The following APBB2 variants were observed in gnomAD, a reference collection of about 807,000 sequenced individuals.
APBB2 encodes the protein Fe65-like 1.
APBB2 carries 38 observed loss-of-function variants against 82.5 expected under a neutral mutation model. That is an observed-to-expected ratio of 0.46 (90% CI 0.36 to 0.60). APBB2 has a LOEUF of 0.60. APBB2 is among the 20% of genes least tolerant of loss of function. The pLI is 0.00. For missense variants in APBB2, 772 were observed against 972.3 expected (o/e 0.79, Z 2.74); for synonymous variants, 341 against 368.2 (o/e 0.93, Z 0.85).
At chr4:40,949,818 C>A (rs1052081750) in intron 6 of APBB2, among the ~76,000 whole-genome samples, 42 of 152,168 alleles carry the variant, frequency 2.8e-4, no homozygotes, top group Non-Finnish European at 3.4e-4. Flanking sequence ...CCACGCACCC[C>A]CTTTTGACGG....
intron 10 of APBB2, among the ~76,000 whole-genome samples, chr4:40,932,485 G>C (rs900025801): frequency 6.6e-6 from 1 of 152,154 alleles, no homozygotes; most frequent in Non-Finnish European, 1.5e-5. Flanking sequence ...GGCAGTTTCT[G>C]GCAAAGGAGT....
intron 12 of APBB2, among the ~76,000 whole-genome samples, chr4:40,850,444 C>A (rs1312317514): frequency 1.3e-5 from 2 of 152,244 alleles, no homozygotes; most frequent in African/African-American, 4.8e-5. Flanking sequence ...TTCAACACAA[C>A]ACAAAGCTGG....
chr4:41,100,297 C>T (rs77993070), intron 3 of APBB2, among the ~76,000 whole-genome samples: 11,971 of 152,236 alleles, frequency 0.079, 588 homozygotes, highest in Non-Finnish European at 0.1. Flanking sequence ...CACCTGAAAG[C>T]TCAGACAACT....
At chr4:40,960,961 T>TAA (rs35061671) in intron 6 of APBB2, among the ~76,000 whole-genome samples, 89 of 141,480 alleles carry the variant, frequency 6.3e-4, no homozygotes, top group Admixed American at 2.1e-3. Context: ...AGCCCTCCTT[T>TAA]AAAAAAAAAA....
intron 1 of APBB2, among the ~76,000 whole-genome samples, chr4:41,201,798 A>G (rs1202299373): frequency 6.6e-6 from 1 of 152,236 alleles, no homozygotes; most frequent in Non-Finnish European, 1.5e-5. Flanking sequence ...GTTTTTGAGA[A>G]TATGCCAATC....
At chr4:41,047,394 G>C (rs918818501) in intron 4 of APBB2, among the ~76,000 whole-genome samples, 1 of 152,264 alleles carries the variant, frequency 6.6e-6, no homozygotes, top group Non-Finnish European at 1.5e-5. Flanking sequence ...TACAGAAAGG[G>C]TACTGCCCCC....
intron 3 of APBB2, among the ~76,000 whole-genome samples, chr4:41,071,815 T>C (rs565633447): frequency 7.4e-4 from 112 of 151,910 alleles, no homozygotes; most frequent in African/African-American, 2.2e-3. Context: ...AGTGGATTAA[T>C]TTTTTTTTCT....
chr4:41,162,732 T>C (rs1311153399), intron 1 of APBB2, among the ~76,000 whole-genome samples: 1 of 152,078 alleles, frequency 6.6e-6, no homozygotes, highest in African/African-American at 2.4e-5. Context: ...GGCATACACC[T>C]GCGGTCCCAG....
intron 6 of APBB2, among the ~76,000 whole-genome samples, chr4:40,965,934 T>C (rs1311115325): frequency 6.6e-6 from 1 of 152,218 alleles, no homozygotes; most frequent in Non-Finnish European, 1.5e-5. Context: ...CATAACGTTC[T>C]ACTGCTCTCA....
At chr4:40,897,310 C>G (rs1472327273) in intron 10 of APBB2, among the ~76,000 whole-genome samples, 2 of 152,140 alleles carry the variant, frequency 1.3e-5, no homozygotes, top group Admixed American at 6.5e-5. Context: ...TCGAGACGAG[C>G]CTGGCCAACA....
intron 6 of APBB2, among the ~76,000 whole-genome samples, chr4:40,951,710 G>A (rs1483073981): frequency 6.6e-6 from 1 of 152,194 alleles, no homozygotes; most frequent in Non-Finnish European, 1.5e-5. Context: ...AATAAAGGTT[G>A]GCATGCAGCA....
At chr4:40,865,597 GT>G (rs1763866065) in intron 12 of APBB2, among the ~76,000 whole-genome samples, 2 of 152,172 alleles carry the variant, frequency 1.3e-5, no homozygotes, top group Non-Finnish European at 1.5e-5. Flanking sequence ...TAGCATAATT[GT>G]TGAGTGTATC....
intron 12 of APBB2, among the ~76,000 whole-genome samples, chr4:40,838,287 T>G (rs1291878214): frequency 6.7e-6 from 1 of 149,928 alleles, no homozygotes. Flanking sequence ...CTTGGCTTCT[T>G]GAGTAGCTGG....
At chr4:41,209,170 A>G (rs1181340678) in intron 1 of APBB2, among the ~76,000 whole-genome samples, 1 of 152,146 alleles carries the variant, frequency 6.6e-6, no homozygotes, top group Non-Finnish European at 1.5e-5. Context: ...TAGAGGAACT[A>G]GAGTCACTCT....
chr4:41,110,764 G>C (rs1748919071), intron 2 of APBB2, among the ~76,000 whole-genome samples: 1 of 152,162 alleles, frequency 6.6e-6, no homozygotes, highest in African/African-American at 2.4e-5. Flanking sequence ...GGTATAGTAT[G>C]TTCTAGAGCA....
chr4:40,950,596 C>T (rs1214607711), intron 6 of APBB2, among the ~76,000 whole-genome samples: 1 of 150,858 alleles, frequency 6.6e-6, no homozygotes, highest in African/African-American at 2.4e-5. Context: ...AGCTGTTATC[C>T]TAGCACGTTG....
In APBB2 at chr4:40,821,912, T is replaced by G; in HGVS notation, c.2071A>C (p.Asn691His). Residue 691 changes from asparagine to histidine, a missense_variant, in exon 17 of 18, where the codon AAT becomes CAT. Asn to His is a moderately conservative substitution (Grantham distance 68, BLOSUM62 1). Coordinates refer to ENST00000508593, the MANE Select transcript of APBB2 (RefSeq NM_004307.2). ...ACCGCCTCAGACACGTTACCAGCATTAGGCTCGCACCAGAAAACGTGGCAC... is the reference window on the plus strand; with the variant it reads ...ACCGCCTCAGACACGTTACCAGCATGAGGCTCGCACCAGAAAACGTGGCAC... ...FECHVFWCEP[N>H]AGNVSEAVQA... 1 of 1,613,972 alleles carries G rather than the reference T, an allele frequency of 6.2e-7. No homozygotes were observed. Among genetic ancestry groups the G allele is most frequent in the African/African-American group, 1.3e-5 (1 of 75,024 alleles).
chr4:40,911,965 C>T (rs12152619), intron 10 of APBB2, among the ~76,000 whole-genome samples: 18,660 of 152,182 alleles, frequency 0.12, 1,308 homozygotes, highest in Admixed American at 0.21. Context: ...TAAATCGGAC[C>T]GGCTAGACAT....
At chr4:41,133,037 A>C (rs1403112150) in intron 2 of APBB2, among the ~76,000 whole-genome samples, 1 of 152,202 alleles carries the variant, frequency 6.6e-6, no homozygotes, top group Non-Finnish European at 1.5e-5. Flanking sequence ...TTCAGGGAAA[A>C]AATGCATACA....
Sources: allele counts gnomAD v4.1 joint callset (sites outside exome capture counted in the v4.1 genomes callset), GRCh38; gene constraint gnomAD v4.1.1; transcripts MANE v1.5; gene names NCBI Gene and HGNC (gene_info 2026-07-23, HGNC 2026-07-21).